The following GLIS3 variants were observed in gnomAD, a reference collection of about 807,000 sequenced individuals.
GLIS3 encodes the protein GLIS family zinc finger 3.
GLIS3 carries 53 observed loss-of-function variants against 78.6 expected under a neutral mutation model. The observed-to-expected ratio is 0.67, with a 90% CI of 0.54 to 0.85. GLIS3 has a LOEUF of 0.85. GLIS3 is among the 40% of genes least tolerant of loss of function. The pLI is 0.00. For synonymous variants in GLIS3, 684 were observed against 509.9 expected (o/e 1.34, Z -4.60); for missense variants, 1,703 against 1,231.1 (o/e 1.38, Z -5.74).
intron 4 of GLIS3, among the ~76,000 whole-genome samples, chr9:4,111,095 T>G (rs1158150371): frequency 6.6e-6 from 1 of 152,200 alleles, no homozygotes; most frequent in Non-Finnish European, 1.5e-5. Context: ...TTAGAATCTA[T>G]ATACAAACAA....
At chr9:4,031,078 A>G (rs1482405812) in intron 4 of GLIS3, among the ~76,000 whole-genome samples, 1 of 152,204 alleles carries the variant, frequency 6.6e-6, no homozygotes, top group Middle Eastern at 3.2e-3. Context: ...TGCTGTGGAA[A>G]ACAGTTTGGC....
At chr9:4,420,919 T>C in the GLIS3 span, among the ~76,000 whole-genome samples, 2 of 152,204 alleles carry the variant, frequency 1.3e-5, no homozygotes, top group Non-Finnish European at 2.9e-5. Context: ...AAATAGAGCC[T>C]TCATTTTTGT....
intron 4 of GLIS3, among the ~76,000 whole-genome samples, chr9:3,966,562 G>A (rs903661541): frequency 3.3e-5 from 5 of 152,136 alleles, no homozygotes; most frequent in African/African-American, 1.2e-4. Flanking sequence ...TTGGGAGGCT[G>A]AGGCAGGCCA....
At chr9:4,228,322 G>A (rs1053810397) in intron 2 of GLIS3, among the ~76,000 whole-genome samples, 1 of 152,086 alleles carries the variant, frequency 6.6e-6, no homozygotes, top group African/African-American at 2.4e-5. Context: ...GGGAGTATAG[G>A]GGAGGAGTCG....
At chr9:4,248,709 T>C (rs1824054463) in intron 2 of GLIS3, among the ~76,000 whole-genome samples, 1 of 152,206 alleles carries the variant, frequency 6.6e-6, no homozygotes, top group African/African-American at 2.4e-5. Context: ...CCACCAACAG[T>C]GTAAAAGCAT....
chr9:4,489,763 G>A, the GLIS3 span, among the ~76,000 whole-genome samples: 1 of 152,116 alleles, frequency 6.6e-6, no homozygotes, highest in Admixed American at 6.5e-5. Context: ...CAGGGCCTGT[G>A]GTCACAGAGC....
chr9:4,327,644 T>A (rs556587695), intron 2 of GLIS3, among the ~76,000 whole-genome samples: 1 of 152,298 alleles, frequency 6.6e-6, no homozygotes, highest in Non-Finnish European at 1.5e-5. Context: ...TCAGACCCAC[T>A]GAATAAAGGC....
intron 4 of GLIS3, among the ~76,000 whole-genome samples, chr9:4,094,382 C>G (rs1014334587): frequency 6.6e-6 from 1 of 152,086 alleles, no homozygotes; most frequent in Non-Finnish European, 1.5e-5. Context: ...CCAACATTTC[C>G]TCTGTTTTAA....
At chr9:3,954,286 T>A (rs917243364) in intron 4 of GLIS3, among the ~76,000 whole-genome samples, 16 of 152,210 alleles carry the variant, frequency 1.1e-4, no homozygotes, top group African/African-American at 3.9e-4. Flanking sequence ...AAATGTGACC[T>A]AGAAGCTCCT....
chr9:4,193,177 A>C (rs1320017301), intron 2 of GLIS3, among the ~76,000 whole-genome samples: 2 of 152,282 alleles, frequency 1.3e-5, no homozygotes, highest in Admixed American at 1.3e-4. Context: ...ATAGCCTGCG[A>C]GACTTTTGTA....
intron 4 of GLIS3, among the ~76,000 whole-genome samples, chr9:4,007,778 G>A (rs1821671909): frequency 6.6e-6 from 1 of 151,514 alleles, no homozygotes; most frequent in South Asian, 2.1e-4. Flanking sequence ...AAATCAAGAA[G>A]TACATATGTG....
intron 6 of GLIS3, among the ~76,000 whole-genome samples, chr9:3,921,923 T>TACACACACACACACACAC (rs6150898): frequency 9.3e-4 from 140 of 149,868 alleles, no homozygotes; most frequent in African/African-American, 3.2e-3. Flanking sequence ...TCATACTGTG[T>TACACACACACACACACAC]ACACACACAC....
intron 9 of GLIS3, among the ~76,000 whole-genome samples, chr9:3,837,811 A>G (rs1422014109): frequency 6.6e-6 from 1 of 152,212 alleles, no homozygotes; most frequent in African/African-American, 2.4e-5. Flanking sequence ...GCTATTCCGT[A>G]TGATGCTACC....
chr9:4,109,083 CTCCTCT>C (rs1831004215), intron 4 of GLIS3, among the ~76,000 whole-genome samples: 1 of 152,014 alleles, frequency 6.6e-6, no homozygotes, highest in Non-Finnish European at 1.5e-5. Context: ...TTAATTTGTT[CTCCTCT>C]AAACAGCTCA....
At chr9:4,378,501 G>C in the GLIS3 span, among the ~76,000 whole-genome samples, 18 of 152,062 alleles carry the variant, frequency 1.2e-4, no homozygotes, top group Non-Finnish European at 1.8e-4. Flanking sequence ...CTTAAAATAT[G>C]TTTATACCAA....
chr9:4,364,885 G>A, the GLIS3 span, among the ~76,000 whole-genome samples: 1 of 150,974 alleles, frequency 6.6e-6, no homozygotes, highest in Middle Eastern at 3.5e-3. Flanking sequence ...CTGGGCTCAA[G>A]CAATCCTCTT....
chr9:4,309,875 T>A (rs1413467163), intron 3 of GLIS3, among the ~76,000 whole-genome samples: 1 of 152,178 alleles, frequency 6.6e-6, no homozygotes. Flanking sequence ...TAGAGTACAA[T>A]AAAATTTATA....
the GLIS3 span, among the ~76,000 whole-genome samples, chr9:4,361,425 C>T: frequency 2.6e-5 from 4 of 152,332 alleles, no homozygotes; most frequent in Non-Finnish European, 4.4e-5. Context: ...AGATGCTGTT[C>T]CCTTTCCTGT....
chr9:4,464,153 G>C, the GLIS3 span, among the ~76,000 whole-genome samples: 1 of 151,878 alleles, frequency 6.6e-6, no homozygotes, highest in Non-Finnish European at 1.5e-5. Context: ...ATTATATTAA[G>C]GAGAACAGCT....
Sources: allele counts gnomAD v4.1 joint callset (sites outside exome capture counted in the v4.1 genomes callset), GRCh38; gene constraint gnomAD v4.1.1; transcripts MANE v1.5; gene names NCBI Gene and HGNC (gene_info 2026-07-23, HGNC 2026-07-21).